LRTM3: variants seen among roughly 807,000 people sequenced by gnomAD.
LRTM3 encodes leucine-rich repeat transmembrane protein 3.
chr13:102,739,294 A>G, the LRTM3 span: 9 of 1,549,442 alleles, frequency 5.8e-6, no homozygotes, highest in African/African-American at 9.6e-5. Flanking sequence ...CATCTTTCAC[A>G]TCTACTATAT....
chr13:102,739,675 T>C, the LRTM3 span: 1 of 1,550,450 alleles, frequency 6.4e-7, no homozygotes, highest in South Asian at 1.2e-5. Flanking sequence ...TAGGGCTTTT[T>C]ATTCTTTTCA....
the LRTM3 span, among the ~76,000 whole-genome samples, chr13:102,751,425 C>T: frequency 1.3e-5 from 2 of 150,296 alleles, no homozygotes; most frequent in African/African-American, 2.4e-5. Context: ...AGAACCCTAA[C>T]AATACACCTG....
chr13:102,731,147 T>C, the LRTM3 span: 3,069 of 1,551,436 alleles, frequency 2.0e-3, 40 homozygotes, highest in African/African-American at 0.03. Flanking sequence ...TTCTAGCTTA[T>C]TAATACTCTG....
chr13:102,738,124 T>C, the LRTM3 span: 2 of 1,550,988 alleles, frequency 1.3e-6, no homozygotes, highest in Non-Finnish European at 1.7e-6. Context: ...TCCCTGGCTC[T>C]TTAGTATTCA....
At chr13:102,732,424 C>T in the LRTM3 span, 886 of 1,551,198 alleles carry the variant, frequency 5.7e-4, 10 homozygotes, top group East Asian at 0.018. Flanking sequence ...ATTTGGTGCT[C>T]AATTCTCTTT....
chr13:102,743,019 G>C, the LRTM3 span: 1 of 1,546,718 alleles, frequency 6.5e-7, no homozygotes, highest in Non-Finnish European at 8.7e-7. Flanking sequence ...TTGTAAATCT[G>C]ACTTTTTGAG....
the LRTM3 span, chr13:102,740,489 CA>C: frequency 6.5e-7 from 1 of 1,549,996 alleles, no homozygotes; most frequent in East Asian, 2.4e-5. Flanking sequence ...TATATGCTCC[CA>C]AAAGTTCTCA....
At chr13:102,734,586 T>C in the LRTM3 span, 1 of 1,551,272 alleles carries the variant, frequency 6.4e-7, no homozygotes, top group South Asian at 1.2e-5. Context: ...TTTTTTTGGT[T>C]CCTCTCTTCT....
At chr13:102,732,935 A>G in the LRTM3 span, 1 of 1,551,476 alleles carries the variant, frequency 6.4e-7, no homozygotes. Context: ...GGGAGGGAAT[A>G]GGGACTTCGG....
At chr13:102,744,644 C>CA in the LRTM3 span, 1 of 1,550,806 alleles carries the variant, frequency 6.4e-7, no homozygotes, top group East Asian at 2.4e-5. Context: ...TCCTGATTTG[C>CA]AAGGGTCAGG....
chr13:102,731,751 T>C, the LRTM3 span: 2 of 1,551,322 alleles, frequency 1.3e-6, no homozygotes, highest in Admixed American at 2.0e-5. Context: ...ATGGGCACAG[T>C]TCCTGGGAAA....
the LRTM3 span, chr13:102,734,084 ACT>A: frequency 1.3e-6 from 2 of 1,551,440 alleles, no homozygotes; most frequent in African/African-American, 2.7e-5. Flanking sequence ...ATCTTTGTGT[ACT>A]TTTTTCTCCA....
the LRTM3 span, among the ~76,000 whole-genome samples, chr13:102,752,502 C>CA: frequency 6.6e-6 from 1 of 152,174 alleles, no homozygotes; most frequent in Non-Finnish European, 1.5e-5. Context: ...CATCATTCTT[C>CA]AGTTGACACA....
chr13:102,748,961 T>C, the LRTM3 span: 1 of 1,550,798 alleles, frequency 6.4e-7, no homozygotes, highest in South Asian at 1.2e-5. Context: ...TGACTTATTT[T>C]GCTTCTGCAG....
the LRTM3 span, chr13:102,747,314 A>C: frequency 1.9e-6 from 3 of 1,549,916 alleles, no homozygotes; most frequent in Non-Finnish European, 2.6e-6. Context: ...TTTATCTTGC[A>C]GTATCTGTTT....
At chr13:102,730,150 C>T in the LRTM3 span, 1 of 1,549,934 alleles carries the variant, frequency 6.5e-7, no homozygotes, top group Non-Finnish European at 8.7e-7. Context: ...TTAAGGTTTC[C>T]TTTCTGCACT....
At chr13:102,742,842 CA>C in the LRTM3 span, 2 of 1,550,700 alleles carry the variant, frequency 1.3e-6, no homozygotes, top group South Asian at 2.4e-5. Flanking sequence ...TCTTTTAAAA[CA>C]GAATGGCCAA....
chr13:102,748,640 T>G, the LRTM3 span: 4 of 1,550,488 alleles, frequency 2.6e-6, no homozygotes, highest in Non-Finnish European at 3.5e-6. Context: ...AGATGTCTTG[T>G]GCTTTGGAAT....
the LRTM3 span, chr13:102,736,994 A>C: frequency 6.4e-7 from 1 of 1,551,124 alleles, no homozygotes; most frequent in South Asian, 1.2e-5. Flanking sequence ...AGGTATTGTC[A>C]GAAACACATC....
Sources: gnomAD v4.1 joint callset for allele counts (sites outside exome capture counted in the v4.1 genomes callset) on GRCh38, gnomAD v4.1.1 for gene constraint, MANE v1.5 for transcripts, NCBI Gene and HGNC (gene_info 2026-07-23, HGNC 2026-07-21) for gene names.